SPRED1: variants seen among roughly 807,000 people sequenced by gnomAD.
SPRED1 encodes the protein sprouty related EVH1 domain containing 1.
In SPRED1, 18 loss-of-function variants were observed where a neutral mutation model predicts 52.3. The ratio of observed to expected loss-of-function variants is 0.34; its 90% CI spans 0.24 to 0.51. SPRED1 has a LOEUF of 0.51. SPRED1 is among the 20% of genes least tolerant of loss of function. SPRED1 has a pLI of 0.97. For missense variants in SPRED1, 485 were observed against 551.0 expected (o/e 0.88, Z 1.20); for synonymous variants, 155 against 179.7 (o/e 0.86, Z 1.10).
chr15:38,276,611 G>C (rs544315655), intron 1 of SPRED1, among the ~76,000 whole-genome samples: 1 of 152,088 alleles, frequency 6.6e-6, no homozygotes, highest in African/African-American at 2.4e-5. Context: ...CTCACCCAAG[G>C]CGTAATAAAT....
At chr15:38,314,144 A>G (rs894637376) in intron 2 of SPRED1, among the ~76,000 whole-genome samples, 7 of 151,804 alleles carry the variant, frequency 4.6e-5, no homozygotes, top group African/African-American at 1.7e-4. Flanking sequence ...CATATTTTAG[A>G]AGAATGTATT....
Position 38,297,696 on chromosome 15 carries a change from T to TCTGA in SPRED1, c.33-1677_33-1676insCTGA, listed in dbSNP as rs1435378290. ...AATTCAATTATTTCCCAGATCCTGATTTTGAATTACCAGGATGGTAGTGTC... is the reference window on the plus strand; with the variant it reads ...AATTCAATTATTTCCCAGATCCTGATCTGATTTGAATTACCAGGATGGTAGTGTC... On this transcript the variant is annotated intron_variant, in intron 1 of 6. Coordinates refer to ENST00000299084, the MANE Select transcript of SPRED1 (RefSeq NM_152594.3). Among the ~76,000 whole-genome samples, 432 of 126,662 alleles carry TCTGA rather than the reference T, an allele frequency of 3.4e-3. 2 individuals are homozygous for TCTGA. Among genetic ancestry groups the TCTGA allele is most frequent in the African/African-American group, 0.012 (411 of 34,984 alleles). The allele number at this position is 126,662 out of a possible 152,430, so 83.1% of individuals were successfully genotyped here.
chr15:38,275,216 C>T (rs1894524306), intron 1 of SPRED1, among the ~76,000 whole-genome samples: 1 of 152,088 alleles, frequency 6.6e-6, no homozygotes, highest in Non-Finnish European at 1.5e-5. Context: ...CAATTATAAT[C>T]CATCACTGTC....
intron 1 of SPRED1, among the ~76,000 whole-genome samples, chr15:38,261,771 G>C (rs1370781996): frequency 4.6e-5 from 7 of 152,120 alleles, no homozygotes; most frequent in African/African-American, 1.7e-4. Flanking sequence ...TGATACTATT[G>C]CATGTGATTA....
chr15:38,320,518 T>A (rs1198150526), intron 2 of SPRED1, among the ~76,000 whole-genome samples: 1 of 152,138 alleles, frequency 6.6e-6, no homozygotes, highest in Non-Finnish European at 1.5e-5. Context: ...TTACTCTACC[T>A]GCAGAGTAGT....
At chr15:38,334,104 ACTGATTATTG>A (rs1172374293) in intron 4 of SPRED1, among the ~76,000 whole-genome samples, 2 of 152,212 alleles carry the variant, frequency 1.3e-5, no homozygotes, top group African/African-American at 4.8e-5. Flanking sequence ...GGTCAAAATG[ACTGATTATTG>A]CTACACATGT....
intron 2 of SPRED1, among the ~76,000 whole-genome samples, chr15:38,307,700 A>G (rs1895277869): frequency 6.6e-6 from 1 of 152,142 alleles, no homozygotes; most frequent in Admixed American, 6.5e-5. Flanking sequence ...ATTCTATGAT[A>G]TGCATGTACA....
chr15:38,351,846 C>T lies in SPRED1; in HGVS notation c.*182C>T, dbSNP rs1388044666. 1 of 701,532 alleles carries T rather than the reference C, an allele frequency of 1.4e-6. No homozygotes were observed. The highest frequency in any genetic ancestry group is 2.4e-6 in the Non-Finnish European group (1 of 421,478). The allele number at this position is 701,532 out of a possible 1,614,324, so 43.5% of individuals were successfully genotyped here. ...CCATGCCTAACTTTTCCCTTGAGTGCATGGCATGTTTTGTTACAGGTTGTA... is the reference window on the plus strand; with the variant it reads ...CCATGCCTAACTTTTCCCTTGAGTGTATGGCATGTTTTGTTACAGGTTGTA... On this transcript the variant is annotated 3_prime_UTR_variant, in exon 7 of 7. Coordinates refer to ENST00000299084, the MANE Select transcript of SPRED1 (RefSeq NM_152594.3).
intron 1 of SPRED1, among the ~76,000 whole-genome samples, chr15:38,273,860 A>T (rs1894491753): frequency 6.6e-6 from 1 of 152,088 alleles, no homozygotes; most frequent in Admixed American, 6.6e-5. Context: ...GTTGTCATGA[A>T]CCTACTGAAC....
intron 1 of SPRED1, among the ~76,000 whole-genome samples, chr15:38,282,367 C>T (rs1285507928): frequency 7.3e-5 from 11 of 151,360 alleles, no homozygotes; most frequent in Admixed American, 4.6e-4. Flanking sequence ...GTTAACCTGG[C>T]GTGGTGGCAG....
chr15:38,293,099 CTTTTT>C (rs66511254), intron 1 of SPRED1, among the ~76,000 whole-genome samples: 1 of 90,734 alleles, frequency 1.1e-5, no homozygotes, highest in Non-Finnish European at 2.0e-5. Flanking sequence ...AAGATTACAA[CTTTTT>C]TTTTTTTTTT....
chr15:38,306,511 C>A (rs1460915770), intron 2 of SPRED1, among the ~76,000 whole-genome samples: 1 of 152,154 alleles, frequency 6.6e-6, no homozygotes, highest in Non-Finnish European at 1.5e-5. Context: ...GAATCCCATT[C>A]TTTTCATTAT....
chr15:38,327,301 G>A (rs1245588267), intron 4 of SPRED1, among the ~76,000 whole-genome samples: 7 of 152,168 alleles, frequency 4.6e-5, no homozygotes, highest in Admixed American at 2.0e-4. Context: ...TCAAAGAGCA[G>A]TGAAGTATGG....
chr15:38,325,628 A>G (rs1381097695), intron 4 of SPRED1, among the ~76,000 whole-genome samples: 1 of 152,156 alleles, frequency 6.6e-6, no homozygotes, highest in Non-Finnish European at 1.5e-5. Context: ...GCGTGAGGTC[A>G]CCCACATTAT....
chr15:38,349,573 A>T lies in SPRED1; in HGVS notation c.684+50A>T, dbSNP rs200338097. On this transcript the variant is annotated intron_variant, in intron 6 of 6. Coordinates refer to ENST00000299084, the MANE Select transcript of SPRED1 (RefSeq NM_152594.3). ...GATATGGAATTTAACTAATTAATAG[A>T]TAGGTAAAGTTTTCCAGTCTTTCTA... 1.4e-5 allele frequency: 17 copies of T among 1,253,938 alleles called. No homozygotes were observed. The highest frequency in any genetic ancestry group is 5.0e-5 in the East Asian group (2 of 40,258). The allele number at this position is 1,253,938 out of a possible 1,614,324, so 77.7% of individuals were successfully genotyped here. A position where few individuals can be genotyped will look rare whatever the true frequency, so the allele number is the denominator to read the frequency against.
At chr15:38,325,027 A>G (rs540763428) in intron 4 of SPRED1, among the ~76,000 whole-genome samples, 1 of 152,280 alleles carries the variant, frequency 6.6e-6, no homozygotes, top group South Asian at 2.1e-4. Context: ...TTTTTGAGAC[A>G]AGGTCTTGCT....
intron 4 of SPRED1, among the ~76,000 whole-genome samples, chr15:38,333,716 T>C (rs776293504): frequency 6.6e-6 from 1 of 152,148 alleles, no homozygotes; most frequent in Non-Finnish European, 1.5e-5. Flanking sequence ...CTGGAACATA[T>C]GTATATCCTG....
chr15:38,272,110 C>A (rs1222367942), intron 1 of SPRED1, among the ~76,000 whole-genome samples: 1 of 152,138 alleles, frequency 6.6e-6, no homozygotes, highest in East Asian at 1.9e-4. Flanking sequence ...GCATAGTATT[C>A]CATGGTATAT....
At position 38,293,099 on chromosome 15, in the gene SPRED1, C is replaced by CT. The variant is rs66511254; in HGVS notation, c.33-6255dup. 9.6e-3 allele frequency among the ~76,000 whole-genome samples: 875 copies of CT among 90,728 alleles called. 99 individuals carry two copies. Among genetic ancestry groups the CT allele is most frequent in the African/African-American group, 0.033 (801 of 24,072 alleles). The allele number at this position is 90,728 out of a possible 152,430, so 59.5% of individuals were successfully genotyped here. Reference sequence around the variant, plus strand: ...TTAAGTAATTTACCCAAGATTACAACTTTTTTTTTTTTTTTTTTTGAGACG... The same window carrying CT: ...TTAAGTAATTTACCCAAGATTACAACTTTTTTTTTTTTTTTTTTTTGAGACG... On this transcript the variant is annotated intron_variant, in intron 1 of 6. Transcript: ENST00000299084.
Sources: gnomAD v4.1 joint callset for allele counts (sites outside exome capture counted in the v4.1 genomes callset) on GRCh38, gnomAD v4.1.1 for gene constraint, MANE v1.5 for transcripts, NCBI Gene and HGNC (gene_info 2026-07-23, HGNC 2026-07-21) for gene names.